Variants in TLL1 observed in about 807,000 individuals in gnomAD.
TLL1 encodes tolloid-like protein 1.
A neutral mutation model predicts 128.2 loss-of-function variants in TLL1; 49 were observed. The observed-to-expected ratio is 0.38, with a 90% confidence interval of 0.30 to 0.48. The LOEUF (loss-of-function observed/expected upper bound fraction) is 0.48. TLL1 is among the 20% of genes least tolerant of loss of function. TLL1 has a pLI of 0.96. For synonymous variants in TLL1, 454 were observed against 418.8 expected, an observed-to-expected ratio of 1.08 and a Z score of -1.03; for missense variants, 1,123 against 1,242.0, an observed-to-expected ratio of 0.90 and a Z score of 1.44.
chr4:166,019,511 C>T (rs1035770320), intron 8 of TLL1, among the ~76,000 whole-genome samples: 1 of 151,768 alleles, frequency 6.6e-6, no homozygotes, highest in Non-Finnish European at 1.5e-5. Flanking sequence ...TTTTTTTTCT[C>T]ATCAGTTTTT....
chr4:165,905,770 T>C (rs1213734026), intron 1 of TLL1, among the ~76,000 whole-genome samples: 1 of 152,158 alleles, frequency 6.6e-6, no homozygotes, highest in Non-Finnish European at 1.5e-5. Flanking sequence ...CTGGTTAGGA[T>C]TAGGGGTTGA....
At chr4:166,031,952 G>C (rs1175072355) in intron 9 of TLL1, among the ~76,000 whole-genome samples, 1 of 152,066 alleles carries the variant, frequency 6.6e-6, no homozygotes, top group East Asian at 1.9e-4. Context: ...ACTGACATTA[G>C]TACTAGAATT....
At chr4:166,061,852 T>C (rs1308122939) in intron 15 of TLL1, among the ~76,000 whole-genome samples, 1 of 152,168 alleles carries the variant, frequency 6.6e-6, no homozygotes, top group African/African-American at 2.4e-5. Context: ...TGGTTTTAGT[T>C]CTAATATTTA....
chr4:165,948,297 G>C (rs1219528603), intron 1 of TLL1, among the ~76,000 whole-genome samples: 1 of 152,106 alleles, frequency 6.6e-6, no homozygotes, highest in Non-Finnish European at 1.5e-5. Flanking sequence ...GACAGAAATT[G>C]TTCCCAGGAG....
Position 165,895,780 on chromosome 4 carries a change from A to G in TLL1, c.169+21707A>G, listed in dbSNP as rs118146987. Among the ~76,000 whole-genome samples, 648 of 152,168 alleles carry G rather than the reference A, an allele frequency of 4.3e-3. 12 individuals are homozygous for G. The East Asian group carries it at 0.067, about 16-fold the overall frequency. ...AGCTCTTGCCTTCAAGACTTATTTT[A>G]CAGCTACAGTACTCAAGACAGGGCA... On this transcript the variant is annotated intron_variant, in intron 1 of 20. Coordinates refer to ENST00000061240, the MANE Select transcript of TLL1 (RefSeq NM_012464.5).
At chr4:165,898,024 T>C (rs949635748) in intron 1 of TLL1, among the ~76,000 whole-genome samples, 6 of 152,082 alleles carry the variant, frequency 3.9e-5, no homozygotes, top group Admixed American at 3.9e-4. Context: ...GATTTGGCTC[T>C]CTGTTTGTCT....
intron 1 of TLL1, among the ~76,000 whole-genome samples, chr4:165,974,323 A>G (rs12641093): frequency 0.72 from 100,102 of 139,086 alleles, 37,271 homozygotes; most frequent in African/African-American, 0.79. Flanking sequence ...TGTATTTTTC[A>G]TAGAGACGGG....
intron 1 of TLL1, among the ~76,000 whole-genome samples, chr4:165,902,180 T>C (rs1027272327): frequency 2.0e-5 from 3 of 152,134 alleles, no homozygotes; most frequent in African/African-American, 7.2e-5. Context: ...CTTGCTGTGC[T>C]CCATGTGGGT....
chr4:165,930,783 C>T (rs1398953502), intron 1 of TLL1, among the ~76,000 whole-genome samples: 3 of 152,088 alleles, frequency 2.0e-5, no homozygotes, highest in African/African-American at 4.8e-5. Flanking sequence ...CTTTATAATA[C>T]TTGAGAAATT....
chr4:165,968,834 A>AT (rs1735510132), intron 1 of TLL1, among the ~76,000 whole-genome samples: 1 of 152,172 alleles, frequency 6.6e-6, no homozygotes, highest in Non-Finnish European at 1.5e-5. Context: ...AGCAATAGTT[A>AT]TGATGACCTA....
chr4:165,947,986 C>G (rs1335413570), intron 1 of TLL1, among the ~76,000 whole-genome samples: 1 of 152,136 alleles, frequency 6.6e-6, no homozygotes, highest in Non-Finnish European at 1.5e-5. Flanking sequence ...CTCTTAGCTG[C>G]CAACACGTGC....
Position 166,060,005 on chromosome 4 carries a change from C to T in TLL1, c.1847-23C>T, listed in dbSNP as rs992029175. 3 of 1,612,070 alleles carry T rather than the reference C, an allele frequency of 1.9e-6. No individual in the cohort carries two copies. The South Asian group carries it at 3.3e-5, about 18-fold the overall frequency. ...GGGTGACTTCATGGGGAGAATATAC[C>T]TTTTTCTTTTCTTTTCTTCTAGCTG... On this transcript the variant is annotated intron_variant, in intron 14 of 20. Coordinates refer to ENST00000061240, the MANE Select transcript of TLL1 (RefSeq NM_012464.5).
intron 18 of TLL1, among the ~76,000 whole-genome samples, chr4:166,085,985 A>G (rs1741495570): frequency 6.6e-6 from 1 of 152,186 alleles, no homozygotes; most frequent in African/African-American, 2.4e-5. Flanking sequence ...GGTATAAACA[A>G]GCTTTCTTTC....
chr4:165,896,341 A>T (rs1731679753), intron 1 of TLL1, among the ~76,000 whole-genome samples: 1 of 152,144 alleles, frequency 6.6e-6, no homozygotes, highest in Non-Finnish European at 1.5e-5. Context: ...ATTGATGGGC[A>T]TTTGGGTTGG....
At chr4:166,001,897 C>A (rs1737178964) in intron 5 of TLL1, among the ~76,000 whole-genome samples, 1 of 151,824 alleles carries the variant, frequency 6.6e-6, no homozygotes, top group Admixed American at 6.6e-5. Context: ...TTCTATTTGA[C>A]AGTCCAGGAG....
intron 4 of TLL1, 23 bp downstream of exon 4, chr4:165,994,556 G>C (rs747894834): frequency 6.2e-7 from 1 of 1,612,936 alleles, no homozygotes; most frequent in South Asian, 1.1e-5. Context: ...CAGCATGTCT[G>C]TTTTCATAAA....
At chr4:166,090,628 A>T (rs1741722093) in intron 18 of TLL1, among the ~76,000 whole-genome samples, 1 of 152,000 alleles carries the variant, frequency 6.6e-6, no homozygotes, top group African/African-American at 2.4e-5. Context: ...ATATAGTGAA[A>T]ATTATTCTCC....
At chr4:165,937,619 T>A (rs1733821937) in intron 1 of TLL1, among the ~76,000 whole-genome samples, 3 of 152,192 alleles carry the variant, frequency 2.0e-5, no homozygotes, top group Admixed American at 2.0e-4. Flanking sequence ...CTTCTGTTGA[T>A]CTTCCTGTTG....
intron 1 of TLL1, among the ~76,000 whole-genome samples, chr4:165,928,777 G>C (rs2110901232): frequency 6.6e-6 from 1 of 152,256 alleles, no homozygotes; most frequent in Non-Finnish European, 1.5e-5. Flanking sequence ...ACAGTCCCAA[G>C]ATTCCTTCGG....
Sources: allele counts gnomAD v4.1 joint callset (sites outside exome capture counted in the v4.1 genomes callset), GRCh38; gene constraint gnomAD v4.1.1; transcripts MANE v1.5; gene names NCBI Gene and HGNC (gene_info 2026-07-23, HGNC 2026-07-21).